The following EXOC4 variants were observed in gnomAD, a reference collection of about 807,000 sequenced individuals.
EXOC4 encodes the protein exocyst complex component 4.
In EXOC4, 71 loss-of-function variants were observed where a neutral mutation model predicts 107.2. The observed-to-expected ratio is 0.66, with a 90% confidence interval of 0.55 to 0.81. The LOEUF (loss-of-function observed/expected upper bound fraction) is 0.81. Among genes scored for constraint, EXOC4 ranks in the 30% least tolerant of loss-of-function variants. The pLI is 0.00. For synonymous variants in EXOC4, 456 were observed against 441.2 expected (o/e 1.03, Z -0.42); for missense variants, 1,108 against 1,189.6 (o/e 0.93, Z 1.01).
chr7:133,389,840 A>G (rs899733101), intron 7 of EXOC4, among the ~76,000 whole-genome samples: 3 of 151,438 alleles, frequency 2.0e-5, no homozygotes, highest in Middle Eastern at 3.2e-3. Flanking sequence ...CAGCCTCACA[A>G]TCATGGCGGA....
chr7:133,338,889 A>G (rs1795593631), intron 5 of EXOC4, among the ~76,000 whole-genome samples: 1 of 150,938 alleles, frequency 6.6e-6, no homozygotes, highest in African/African-American at 2.4e-5. Context: ...AGTATCTGGG[A>G]TCACAGGCAT....
intron 7 of EXOC4, among the ~76,000 whole-genome samples, chr7:133,460,489 G>A (rs145765038): frequency 3.4e-4 from 52 of 152,188 alleles, no homozygotes; most frequent in Non-Finnish European, 4.6e-4. Flanking sequence ...AGTGTAGTGC[G>A]TAAATAAAAT....
intron 17 of EXOC4, among the ~76,000 whole-genome samples, chr7:134,046,045 G>A (rs1341912341): frequency 6.6e-6 from 1 of 152,098 alleles, no homozygotes; most frequent in Non-Finnish European, 1.5e-5. Flanking sequence ...CTGTAGGGGT[G>A]GGGAGAAGGA....
chr7:133,262,573 T>G (rs1795178889), intron 1 of EXOC4, among the ~76,000 whole-genome samples: 1 of 152,210 alleles, frequency 6.6e-6, no homozygotes, highest in African/African-American at 2.4e-5. Context: ...TAGAATATAA[T>G]TAAAGTGTTT....
intron 10 of EXOC4, among the ~76,000 whole-genome samples, chr7:133,802,456 A>T (rs1796967557): frequency 6.6e-6 from 1 of 152,198 alleles, no homozygotes; most frequent in Non-Finnish European, 1.5e-5. Flanking sequence ...TTAATTGCTT[A>T]GATATTTGGT....
chr7:133,600,669 TAAATA>T (rs1041600023), intron 9 of EXOC4, among the ~76,000 whole-genome samples: 2 of 152,006 alleles, frequency 1.3e-5, no homozygotes, highest in African/African-American at 4.8e-5. Flanking sequence ...AAAAGCAAAA[TAAATA>T]AATAAATAAA....
intron 6 of EXOC4, among the ~76,000 whole-genome samples, chr7:133,360,884 A>G (rs1327337099): frequency 1.3e-5 from 2 of 152,198 alleles, no homozygotes; most frequent in African/African-American, 4.8e-5. Flanking sequence ...AAAATATAAT[A>G]CCTGTTTTTA....
At chr7:133,425,629 A>G (rs900500063) in intron 7 of EXOC4, among the ~76,000 whole-genome samples, 1 of 152,188 alleles carries the variant, frequency 6.6e-6, no homozygotes, top group African/African-American at 2.4e-5. Flanking sequence ...GGCTCAGGTC[A>G]TGACGGGAAC....
chr7:133,859,643 A>T (rs1231537361), intron 11 of EXOC4, among the ~76,000 whole-genome samples: 5 of 152,184 alleles, frequency 3.3e-5, no homozygotes, highest in Non-Finnish European at 7.3e-5. Flanking sequence ...ATCCTTGAAC[A>T]CTTAGGACAG....
intron 10 of EXOC4, among the ~76,000 whole-genome samples, chr7:133,655,521 A>G (rs547818768): frequency 8.5e-5 from 13 of 152,276 alleles, no homozygotes; most frequent in African/African-American, 3.1e-4. Context: ...TTTCTTTTTT[A>G]TATCCTTATA....
intron 10 of EXOC4, among the ~76,000 whole-genome samples, chr7:133,736,145 C>A (rs919763059): frequency 5.9e-5 from 9 of 152,220 alleles, no homozygotes; most frequent in African/African-American, 1.2e-4. Flanking sequence ...TTTCTACTTA[C>A]AAGCATGCTC....
chr7:133,428,649 G>T (rs185182057), intron 7 of EXOC4, among the ~76,000 whole-genome samples: 1 of 152,338 alleles, frequency 6.6e-6, no homozygotes, highest in East Asian at 1.9e-4. Flanking sequence ...TCAGGAAACG[G>T]ATTCAATAAT....
chr7:133,868,626 C>A (rs1212171816), intron 11 of EXOC4, among the ~76,000 whole-genome samples: 1 of 152,106 alleles, frequency 6.6e-6, no homozygotes, highest in East Asian at 1.9e-4. Flanking sequence ...CCAGATGTAC[C>A]TGGGGCTGTC....
chr7:133,914,653 A>G (rs1799766252), intron 12 of EXOC4, among the ~76,000 whole-genome samples: 1 of 152,078 alleles, frequency 6.6e-6, no homozygotes, highest in South Asian at 2.1e-4. Flanking sequence ...AAGGAAAAAA[A>G]AATTACAAAC....
chr7:133,449,721 TTGTGTGTGTG>T (rs58843853), intron 7 of EXOC4, among the ~76,000 whole-genome samples: 2 of 147,888 alleles, frequency 1.4e-5, no homozygotes, highest in African/African-American at 2.5e-5. Context: ...GAAAATACAT[TTGTGTGTGTG>T]TGTGTGTGTG....
chr7:133,984,188 T>A (rs1277634514), intron 14 of EXOC4, among the ~76,000 whole-genome samples: 1 of 152,214 alleles, frequency 6.6e-6, no homozygotes, highest in Non-Finnish European at 1.5e-5. Context: ...GTTTCCTGAG[T>A]AACCAGATGC....
chr7:133,684,830 C>T (rs1157078652), intron 10 of EXOC4, among the ~76,000 whole-genome samples: 1 of 152,152 alleles, frequency 6.6e-6, no homozygotes, highest in African/African-American at 2.4e-5. Flanking sequence ...CAAGTTTTAA[C>T]AGCTGGATCA....
intron 7 of EXOC4, among the ~76,000 whole-genome samples, chr7:133,440,294 A>G (rs1798075247): frequency 6.6e-6 from 1 of 152,172 alleles, no homozygotes; most frequent in East Asian, 1.9e-4. Flanking sequence ...AGGTACTGGA[A>G]TCAATTCTGC....
chr7:134,045,052 G>T (rs1795615945), intron 17 of EXOC4, among the ~76,000 whole-genome samples: 2 of 152,158 alleles, frequency 1.3e-5, no homozygotes, highest in South Asian at 2.1e-4. Flanking sequence ...TTTGCCTTTG[G>T]AGCCTCAGGT....
Sources: gnomAD v4.1 joint callset for allele counts (sites outside exome capture counted in the v4.1 genomes callset) on GRCh38, gnomAD v4.1.1 for gene constraint, MANE v1.5 for transcripts, NCBI Gene and HGNC (gene_info 2026-07-23, HGNC 2026-07-21) for gene names.